The following GMIP variants were observed in gnomAD, a reference collection of about 807,000 sequenced individuals.
GMIP encodes the protein GEM-interacting protein.
GMIP carries 54 observed loss-of-function variants against 105.3 expected under a neutral mutation model. The observed-to-expected ratio is 0.51, with a 90% CI of 0.41 to 0.64. The LOEUF (loss-of-function observed/expected upper bound fraction) is 0.64, where lower values mean the gene tolerates loss of function less well. Among genes scored for constraint, GMIP ranks in the 30% least tolerant of loss-of-function variants. The probability of loss-of-function intolerance (pLI) is 0.00; values close to 1 mark genes in which losing one functional copy is unlikely to be tolerated. For missense variants in GMIP, 1,110 were observed against 1,319.4 expected, an observed-to-expected ratio of 0.84 and a Z score of 2.46; for synonymous variants, 541 against 560.8, an observed-to-expected ratio of 0.96 and a Z score of 0.50.
rs1036594775 is a variant in GMIP at position 19,641,675 on chromosome 19, A to G, written c.238+135T>C. On this transcript the variant is annotated intron_variant, in intron 4 of 20. Coordinates refer to ENST00000203556, the MANE Select transcript of GMIP (RefSeq NM_016573.4). ...GCCTGGGGTCTCCCTGAGGGCTGGG[A>G]CTGAGATCTGTTGTGTGTACTGCCA... 7.2e-5 allele frequency: 53 copies of G among 739,050 alleles called. No individual in the cohort carries two copies. The African/African-American group carries it at 7.8e-4, about 11-fold the overall frequency. The allele number at this position is 739,050 out of a possible 1,614,324, so 45.8% of individuals were successfully genotyped here.
Position 19,630,440 on chromosome 19 carries a change from G to A in GMIP, c.2539+31C>T. On this transcript the variant is annotated intron_variant, in intron 20 of 20. Transcript: ENST00000203556. This position sits in a 1 kb window ranked among gnomAD's most constrained non-coding sequence, Gnocchi z 4.8. ...CCACCCTGGGGCCAGGGCACCCCCA[G>A]AACTCCTGAGCCTCTCTCTAACATA... is the stretch of plus-strand genomic sequence containing the variant. 6.2e-7 allele frequency: 1 copy of A among 1,611,346 alleles called. No individual in the cohort carries two copies. Among genetic ancestry groups the A allele is most frequent in the Non-Finnish European group, 8.5e-7 (1 of 1,178,134 alleles).
rs202117195 is a variant in GMIP at position 19,635,724 on chromosome 19, G to A, written c.1328-3C>T. The A allele has an allele frequency of 9.9e-6, 16 of 1,613,332 alleles. No individual in the cohort carries two copies. Among genetic ancestry groups the A allele is most frequent in the East Asian group, 4.5e-5 (2 of 44,878 alleles). On this transcript the variant is annotated splice_polypyrimidine_tract_variant and splice_region_variant and intron_variant, in intron 13 of 20. Transcript: ENST00000203556. This position sits in a 1 kb window ranked among gnomAD's most constrained non-coding sequence, Gnocchi z 4.7. ...CACCAGCTGCCTCGTGCCAGCGCCT[G>A]GGGTCAGAGGAATCATGGGAGATTC...
rs1011836421 is a variant in GMIP at position 19,637,170 on chromosome 19, C to T, written c.1125-141G>A. 1 of 684,166 alleles carries T rather than the reference C, an allele frequency of 1.5e-6. No individual in the cohort carries two copies. Among genetic ancestry groups the T allele is most frequent in the African/African-American group, 1.8e-5 (1 of 55,384 alleles). 42.4% of individuals were successfully genotyped at this position (684,166 alleles called of 1,614,324 possible). ...CCAGGGCATTGTGGCCCCTGAAATA[C>T]AGTAGCCCCACATTCCTGCCCCTGC... On this transcript the variant is annotated intron_variant, in intron 11 of 20. Transcript: ENST00000203556. The surrounding 1 kb of genome is among the most constrained non-coding windows in gnomAD (Gnocchi z 6.7).
rs759333577 is a variant in GMIP, at chr19:19,641,865, G to A, written c.183C>T (p.Thr61=). The A allele has an allele frequency of 6.2e-7, 1 of 1,613,358 alleles. No individual in the cohort carries two copies. Among genetic ancestry groups the A allele is most frequent in the South Asian group, 1.1e-5 (1 of 91,010 alleles). The change falls in exon 4 of 21, where the codon ACC becomes ACT. Residue 61 remains threonine, a splice_region_variant and synonymous_variant. Coordinates refer to ENST00000203556, the MANE Select transcript of GMIP (RefSeq NM_016573.4). ...GGCCGCTCCAACAGCTGGCTTCGTT[G>A]GTCTGTGCGGGAGGGAGACAGTATT... The part of the protein sequence containing the change: ...EPDKTPTATV[T]NEASCWSGPS...
chr19:19,629,869 G>T lies in GMIP; in HGVS notation c.*94C>A. 1 of 1,253,104 alleles carries T rather than the reference G, an allele frequency of 8.0e-7. No homozygotes were observed. The highest frequency in any genetic ancestry group is 1.1e-6 in the Non-Finnish European group (1 of 909,544). 77.6% of individuals were successfully genotyped at this position (1,253,104 alleles called of 1,614,324 possible). ...GGACCTCTCCCAGCATTGAACTCCT[G>T]GCGGGGTGTTTGGCCACTAGGTGGT... On this transcript the variant is annotated 3_prime_UTR_variant, in exon 21 of 21. Coordinates refer to ENST00000203556, the MANE Select transcript of GMIP (RefSeq NM_016573.4).
rs2144844052 is a variant in GMIP at position 19,634,215 on chromosome 19, T to TCAGGGTA, written c.2085-32_2085-26dup. Reference sequence around the variant, plus strand: ...CCTGGGGATGGTGTGAAGAGAAAGGTCAGGGTACAGGATGCAAGCTCATTG... The same window carrying TCAGGGTA: ...CCTGGGGATGGTGTGAAGAGAAAGGTCAGGGTACAGGGTACAGGATGCAAGCTCATTG... On this transcript the variant is annotated intron_variant, in intron 18 of 20. Transcript: ENST00000203556. This position sits in a 1 kb window ranked among gnomAD's most constrained non-coding sequence, Gnocchi z 6.1. 3.2e-6 allele frequency: 5 copies of TCAGGGTA among 1,562,334 alleles called. No individual in the cohort carries two copies. In the Middle Eastern group the frequency reaches 5.1e-4, roughly 159 times the overall value.
chr19:19,633,971 G>A lies in GMIP; in HGVS notation c.2304C>T (p.Pro768=), dbSNP rs1854671542. Residue 768 remains proline, a synonymous_variant, in exon 19 of 21, where the codon CCC becomes CCT. Transcript: ENST00000203556. ...GGGCTGGGCTGGAGTCTTGGGGCGG[G>A]GGCTCAGTGGCCTGGGGGAGCTCAT... The part of the protein sequence containing the change: ...GMDELPQATE[P]PPQDSSPAPG... The A allele has an allele frequency of 6.3e-7, 1 of 1,592,886 alleles. No homozygotes were observed. The highest frequency in any genetic ancestry group is 1.3e-5 in the African/African-American group (1 of 74,178).
intron 19 of GMIP, among the ~76,000 whole-genome samples, chr19:19,633,206 A>ACACCACC (rs1224089046): frequency 6.6e-6 from 1 of 151,926 alleles, no homozygotes; most frequent in Non-Finnish European, 1.5e-5. Flanking sequence ...TTACAGGTAC[A>ACACCACC]CACCACCACA....
intron 19 of GMIP, among the ~76,000 whole-genome samples, chr19:19,633,309 C>T (rs1448374424): frequency 6.6e-6 from 1 of 152,174 alleles, no homozygotes; most frequent in Non-Finnish European, 1.5e-5. Context: ...TTGCCTGCCC[C>T]AGCATCCCAA....
Position 19,635,255 on chromosome 19 carries a change from A to G in GMIP, c.1561-42T>C. On this transcript the variant is annotated intron_variant, in intron 15 of 20. Coordinates refer to ENST00000203556, the MANE Select transcript of GMIP (RefSeq NM_016573.4). This position sits in a 1 kb window ranked among gnomAD's most constrained non-coding sequence, Gnocchi z 4.7. Reference sequence around the variant, plus strand: ...AGGGACAGGGAGGTCATTAGGGACCAGTAGGGGAAGAGAAGGTTACAAGGA... The same window carrying G: ...AGGGACAGGGAGGTCATTAGGGACCGGTAGGGGAAGAGAAGGTTACAAGGA... The G allele has an allele frequency of 6.4e-7, 1 of 1,571,444 alleles. No homozygotes were observed. Among genetic ancestry groups the G allele is most frequent in the Non-Finnish European group, 8.7e-7 (1 of 1,147,980 alleles).
intron 19 of GMIP, among the ~76,000 whole-genome samples, chr19:19,631,298 T>A (rs1026696210): frequency 6.6e-6 from 1 of 152,174 alleles, no homozygotes; most frequent in African/African-American, 2.4e-5. Flanking sequence ...AAAATCCTTG[T>A]TTAGCAAATG....
Position 19,629,572 on chromosome 19 carries a change from C to T in GMIP, c.*391G>A, listed in dbSNP as rs913001583. ...TCCTCCAGGAAGGTCACTTCGAGTC[C>T]GTGAAGGAGGCAGGCAGGTGTGGGG... On this transcript the variant is annotated 3_prime_UTR_variant, in exon 21 of 21. Coordinates refer to ENST00000203556, the MANE Select transcript of GMIP (RefSeq NM_016573.4). 5.5e-5 allele frequency: 11 copies of T among 199,740 alleles called. No individual in the cohort carries two copies. Among genetic ancestry groups the T allele is most frequent in the Admixed American group, 4.7e-4 (9 of 19,032 alleles). The allele number at this position is 199,740 out of a possible 1,614,324, so 12.4% of individuals were successfully genotyped here. A position where few individuals can be genotyped will look rare whatever the true frequency, so the allele number is the denominator to read the frequency against.
rs1345048004 is a variant in GMIP, at chr19:19,638,414, C to A, written c.606G>T (p.Glu202Asp). ...RKEFKEQWMK[E>D]QKRMNEAVQA... The stretch of plus-strand genomic sequence containing the variant: ...TTCCAAGCCTCACCATCCGCTTCTG[C>A]TCCTTCATCCACTGCTCCTTGAACT... Residue 202 changes from glutamate (E) to aspartate (D), a missense_variant, in exon 8 of 21, where the codon GAG becomes GAT. This residue lies in a region of GMIP where 667 missense variants were observed against 773.2 expected (regional missense o/e 0.86). Transcript: ENST00000203556. 6.2e-7 allele frequency: 1 copy of A among 1,614,098 alleles called. No homozygotes were observed. Among genetic ancestry groups the A allele is most frequent in the Admixed American group, 1.7e-5 (1 of 60,008 alleles).
Position 19,634,417 on chromosome 19 carries a change from G to A in GMIP, c.2084+90C>T, listed in dbSNP as rs2061828534. On this transcript the variant is annotated intron_variant, in intron 18 of 20. Transcript: ENST00000203556. This position sits in a 1 kb window ranked among gnomAD's most constrained non-coding sequence, Gnocchi z 6.1. ...TTCAGAAAACACAGGTCAAAGGTCA[G>A]AGGTCAGTGTCAGGGGTCAGCCAGG... is the stretch of plus-strand genomic sequence containing the variant. The A allele has an allele frequency of 8.5e-7, 1 of 1,176,836 alleles. No individual in the cohort carries two copies. Among genetic ancestry groups the A allele is most frequent in the African/African-American group, 1.5e-5 (1 of 64,518 alleles). 72.9% of individuals were successfully genotyped at this position (1,176,836 alleles called of 1,614,324 possible).
chr19:19,640,396 G>A (rs1446124230), intron 5 of GMIP, 36 bp from the exon 6 acceptor site: 1 of 1,614,048 alleles, frequency 6.2e-7, no homozygotes, highest in African/African-American at 1.3e-5. Flanking sequence ...GGGTCTAGCT[G>A]GGGTCTGGGG....
chr19:19,630,402 A>G lies in GMIP; in HGVS notation c.2540-66T>C, dbSNP rs562924600. The G allele has an allele frequency of 1.9e-6, 3 of 1,592,110 alleles. No homozygotes were observed. The highest frequency in any genetic ancestry group is 1.8e-5 in the Admixed American group (1 of 56,914). On this transcript the variant is annotated intron_variant, in intron 20 of 20. Coordinates refer to ENST00000203556, the MANE Select transcript of GMIP (RefSeq NM_016573.4). This position sits in a 1 kb window ranked among gnomAD's most constrained non-coding sequence, Gnocchi z 4.8. ...TTCTCTGTATATCCCCCCAGGAGTC[A>G]TCTTTTAGCAAGCCACCCTGGGGCC... is the stretch of plus-strand genomic sequence containing the variant.
chr19:19,637,823 T>C lies in GMIP; in HGVS notation c.927+97A>G. On this transcript the variant is annotated intron_variant, in intron 10 of 20. Coordinates refer to ENST00000203556, the MANE Select transcript of GMIP (RefSeq NM_016573.4). The surrounding 1 kb of genome is among the most constrained non-coding windows in gnomAD (Gnocchi z 6.7). ...CTGGCTGTCGAGGGAAATGGCCTAG[T>C]CCTGGTGTCTCCAGGGTGGCTTAGG... The C allele has an allele frequency of 7.6e-7, 1 of 1,311,872 alleles. No individual in the cohort carries two copies. The highest frequency in any genetic ancestry group is 1.1e-6 in the Non-Finnish European group (1 of 950,248). 81.3% of individuals were successfully genotyped at this position (1,311,872 alleles called of 1,614,324 possible). A position where few individuals can be genotyped will look rare whatever the true frequency, so the allele number is the denominator to read the frequency against.
chr19:19,638,248 A>C lies in GMIP; in HGVS notation c.700T>G (p.Ser234Ala), dbSNP rs374221219. ...GCCTGGGGGGCCGAGTCCTCAGGGG[A>C]CCCCTGGGAGCGTGCCCGCAGGTCC... ...SEDLRARSQGSPEDSAPQASP... is the reference protein window; with the variant it reads ...SEDLRARSQGAPEDSAPQASP... The change falls in exon 9 of 21, where the codon TCC becomes GCC. Residue 234 changes from serine to alanine, a missense_variant. By Grantham distance (99) the Ser-to-Ala change is moderately conservative (BLOSUM62 1). Around this residue, in one of 3 missense-constraint regions of GMIP, gnomAD observed 667 missense variants for 773.2 expected, o/e 0.86. Coordinates refer to ENST00000203556, the MANE Select transcript of GMIP (RefSeq NM_016573.4). 1 of 1,603,232 alleles carries C rather than the reference A, an allele frequency of 6.2e-7. No individual in the cohort carries two copies. The highest frequency in any genetic ancestry group is 1.7e-5 in the Admixed American group (1 of 59,786).
At position 19,640,281 on chromosome 19, in the gene GMIP, T is replaced by C. The variant is rs764388132; in HGVS notation, c.429+15A>G. 54 of 1,600,652 alleles carry C rather than the reference T, an allele frequency of 3.4e-5. No homozygotes were observed. The Admixed American group carries it at 3.9e-4, about 11-fold the overall frequency. On this transcript the variant is annotated intron_variant, in intron 6 of 20. Coordinates refer to ENST00000203556, the MANE Select transcript of GMIP (RefSeq NM_016573.4). ...AGGGGGCTTGGGCTCTCCGGGGGGG[T>C]CTGGTCATGACTACCTGCTGTTGAA...
Sources: allele counts gnomAD v4.1 joint callset (sites outside exome capture counted in the v4.1 genomes callset), GRCh38; gene constraint gnomAD v4.1.1; regional missense constraint gnomAD v4.1.1; non-coding constraint Gnocchi (gnomAD v3.1); transcripts MANE v1.5; gene names NCBI Gene and HGNC (gene_info 2026-07-23, HGNC 2026-07-21).